NAA11: variants seen among roughly 807,000 people sequenced by gnomAD.
NAA11 encodes the protein N-alpha-acetyltransferase 11.
A neutral mutation model predicts 16.1 loss-of-function variants in NAA11; 15 were observed. That is an observed-to-expected ratio of 0.93 (90% CI 0.62 to 1.44). NAA11 has a LOEUF of 1.44. Ranked by LOEUF, NAA11 falls within the 40% of genes most tolerant of loss-of-function variation. The probability of loss-of-function intolerance (pLI) is 0.00; values close to 1 mark genes in which losing one functional copy is unlikely to be tolerated. For synonymous variants in NAA11, 122 were observed against 112.4 expected, an observed-to-expected ratio of 1.09 and a Z score of -0.54; for missense variants, 298 against 291.3, an observed-to-expected ratio of 1.02 and a Z score of -0.17.
At chr4:79,282,755 G>T (rs1391074538) in intron 2 of NAA11, among the ~76,000 whole-genome samples, 1 of 152,048 alleles carries the variant, frequency 6.6e-6, no homozygotes, top group Non-Finnish European at 1.5e-5. Flanking sequence ...GCCTATTTCA[G>T]GTGAGGTTCA....
At chr4:79,311,574 T>A (rs1024853435) in intron 1 of NAA11, among the ~76,000 whole-genome samples, 4 of 152,190 alleles carry the variant, frequency 2.6e-5, no homozygotes, top group African/African-American at 9.7e-5. Flanking sequence ...TTTGATAGGG[T>A]TGCTATCTTT....
the NAA11 span, among the ~76,000 whole-genome samples, chr4:79,195,447 G>A: frequency 5.9e-5 from 9 of 152,064 alleles, no homozygotes; most frequent in Non-Finnish European, 1.5e-5. Context: ...CCACTGGTGA[G>A]CTGATACACA....
At chr4:79,264,507 C>T (rs1722303349) in intron 2 of NAA11, among the ~76,000 whole-genome samples, 1 of 152,146 alleles carries the variant, frequency 6.6e-6, no homozygotes. Flanking sequence ...CTGTCTTTCA[C>T]ATACTTTCTT....
chr4:79,239,205 T>G (rs1227398016), intron 2 of NAA11, among the ~76,000 whole-genome samples: 4 of 152,226 alleles, frequency 2.6e-5, no homozygotes, highest in Non-Finnish European at 5.9e-5. Flanking sequence ...GAAGTGTCAT[T>G]CACTTATAGA....
At chr4:79,157,171 C>T in the NAA11 span, among the ~76,000 whole-genome samples, 32 of 152,018 alleles carry the variant, frequency 2.1e-4, no homozygotes, top group South Asian at 4.2e-4. Flanking sequence ...AGTTCTTTAG[C>T]GGTGATTTGT....
the NAA11 span, among the ~76,000 whole-genome samples, chr4:79,209,872 C>T: frequency 6.6e-6 from 1 of 151,922 alleles, no homozygotes; most frequent in South Asian, 2.1e-4. Flanking sequence ...ACGGCAAAAC[C>T]TCATCTCTAC....
intron 2 of NAA11, among the ~76,000 whole-genome samples, chr4:79,248,992 C>CG (rs576380064): frequency 7.7e-6 from 1 of 129,824 alleles, no homozygotes; most frequent in Non-Finnish European, 1.7e-5. Context: ...AGCACTTGAG[C>CG]CCCCCCCCAG....
At chr4:79,268,368 T>G (rs1356499100) in intron 2 of NAA11, among the ~76,000 whole-genome samples, 1 of 152,122 alleles carries the variant, frequency 6.6e-6, no homozygotes, top group Non-Finnish European at 1.5e-5. Context: ...TTAGTATGAA[T>G]GAAAGATTGA....
At chr4:79,183,858 A>G in the NAA11 span, among the ~76,000 whole-genome samples, 4 of 152,152 alleles carry the variant, frequency 2.6e-5, no homozygotes, top group African/African-American at 7.2e-5. Flanking sequence ...TCTCATTGTG[A>G]TAATATAATA....
the NAA11 span, among the ~76,000 whole-genome samples, chr4:79,202,587 TTA>T: frequency 3.9e-5 from 4 of 103,336 alleles, no homozygotes; most frequent in South Asian, 1.5e-3. Flanking sequence ...ATATGTAGTT[TTA>T]TATATATAGT....
At chr4:79,318,011 G>C (rs1723977207) in intron 1 of NAA11, among the ~76,000 whole-genome samples, 1 of 152,112 alleles carries the variant, frequency 6.6e-6, no homozygotes, top group Non-Finnish European at 1.5e-5. Flanking sequence ...CCTGCCATAA[G>C]AACACATGAA....
chr4:79,305,678 T>C (rs1162436111), intron 1 of NAA11, among the ~76,000 whole-genome samples: 1 of 152,168 alleles, frequency 6.6e-6, no homozygotes, highest in Non-Finnish European at 1.5e-5. Context: ...ATCTTATCAT[T>C]TGATTATGTA....
In NAA11 at chr4:79,325,494, A is replaced by G. The variant is rs1257905875; in HGVS notation, c.384T>C (p.Phe128=). The G allele has an allele frequency of 1.2e-6, 2 of 1,614,036 alleles. No individual in the cohort carries two copies. Among genetic ancestry groups the G allele is most frequent in the Non-Finnish European group, 1.7e-6 (2 of 1,180,036 alleles). The stretch of plus-strand genomic sequence containing the variant: ...ATTTAGGTTCCACCTCACTAATCTG[A>G]AAGTTGAGGGTGTTAGAATAAAGGT... ...ALHLYSNTLN[F]QISEVEPKYY... is the part of the protein sequence containing the mutation. The change falls in exon 1 of 2, where the codon TTT becomes TTC. Residue 128 remains phenylalanine, a synonymous_variant. Transcript: ENST00000286794.
chr4:79,272,406 T>C (rs1051702527), intron 2 of NAA11, among the ~76,000 whole-genome samples: 1 of 152,010 alleles, frequency 6.6e-6, no homozygotes, highest in African/African-American at 2.4e-5. Context: ...AAAAACTAAG[T>C]ACAGTGATTT....
At chr4:79,297,038 A>G (rs1469474540) in intron 1 of NAA11, among the ~76,000 whole-genome samples, 1 of 152,110 alleles carries the variant, frequency 6.6e-6, no homozygotes, top group Admixed American at 6.5e-5. Flanking sequence ...TCTGTCCCTG[A>G]GCAGCAGACT....
intron 2 of NAA11, among the ~76,000 whole-genome samples, chr4:79,240,032 A>G (rs1403311366): frequency 1.3e-5 from 2 of 152,200 alleles, no homozygotes; most frequent in Non-Finnish European, 2.9e-5. Flanking sequence ...GTGTCAGATT[A>G]ATTACATTGG....
At chr4:79,240,355 A>G (rs2109960767) in intron 2 of NAA11, among the ~76,000 whole-genome samples, 1 of 152,318 alleles carries the variant, frequency 6.6e-6, no homozygotes, top group South Asian at 2.1e-4. Flanking sequence ...GTTGAGAGAT[A>G]ATACAGAAAT....
At chr4:79,245,990 AAAG>A (rs1721813067) in intron 2 of NAA11, among the ~76,000 whole-genome samples, 1 of 152,216 alleles carries the variant, frequency 6.6e-6, no homozygotes, top group Non-Finnish European at 1.5e-5. Context: ...GTCTGTGTAG[AAAG>A]AAGTAGACAT....
intron 2 of NAA11, among the ~76,000 whole-genome samples, chr4:79,262,392 C>T (rs1722261982): frequency 6.6e-6 from 1 of 152,138 alleles, no homozygotes; most frequent in Admixed American, 6.5e-5. Flanking sequence ...AGCTGTTCTT[C>T]ATAATTCCTT....
Sources: allele counts gnomAD v4.1 joint callset (sites outside exome capture counted in the v4.1 genomes callset), GRCh38; gene constraint gnomAD v4.1.1; transcripts MANE v1.5; gene names NCBI Gene and HGNC (gene_info 2026-07-23, HGNC 2026-07-21).